The following CHN2 variants were observed in gnomAD, a reference collection of about 807,000 sequenced individuals.
The protein encoded by CHN2 is beta-chimaerin.
A neutral mutation model predicts 56.3 loss-of-function variants in CHN2; 35 were observed. The ratio of observed to expected loss-of-function variants is 0.62; its 90% confidence interval spans 0.47 to 0.82. CHN2 has a LOEUF of 0.82. Ranked by LOEUF, CHN2 falls within the 40% of genes least tolerant of loss-of-function variation. The pLI, the probability that CHN2 is intolerant of heterozygous loss-of-function variation, is 0.00. For missense variants in CHN2, 491 were observed against 580.5 expected (o/e 0.85, Z 1.58); for synonymous variants, 210 against 212.8 (o/e 0.99, Z 0.12).
At chr7:29,268,489 G>A (rs1486153056) in intron 1 of CHN2, among the ~76,000 whole-genome samples, 1 of 152,100 alleles carries the variant, frequency 6.6e-6, no homozygotes, top group East Asian at 1.9e-4. Flanking sequence ...AATAGAGGTG[G>A]AAATGCACGG....
At chr7:29,213,248 T>TGAAA in intron 1 of CHN2, 1 of 1,001,484 alleles carries the variant, frequency 1.0e-6, no homozygotes. Context: ...TCAGTTTCAC[T>TGAAA]CTGGGTAGTG....
At chr7:29,212,278 T>C (rs1785014965) in intron 1 of CHN2, 3 of 1,034,668 alleles carry the variant, frequency 2.9e-6, no homozygotes, top group Admixed American at 3.7e-5. Context: ...TTAAATTTTT[T>C]CCCCCTCTTC....
chr7:29,444,007 A>G lies in CHN2; in HGVS notation c.577-36272A>G, dbSNP rs1783858342. Among the ~76,000 whole-genome samples the G allele has an allele frequency of 2.0e-5, 3 of 152,276 alleles. No individual in the cohort carries two copies. The South Asian group carries it at 6.2e-4, about 32-fold the overall frequency. On this transcript the variant is annotated intron_variant, in intron 6 of 12. Coordinates refer to ENST00000222792, the MANE Select transcript of CHN2 (RefSeq NM_004067.4). Reference sequence around the variant, plus strand: ...CTCTAAGTTTTGCTTTATCTAAGATACTCACCCATGGTTTTGCTTATAGAG... The same window carrying G: ...CTCTAAGTTTTGCTTTATCTAAGATGCTCACCCATGGTTTTGCTTATAGAG...
chr7:29,366,473 A>G (rs191080957), intron 2 of CHN2, among the ~76,000 whole-genome samples: 193 of 152,344 alleles, frequency 1.3e-3, no homozygotes, highest in Non-Finnish European at 2.4e-3. Context: ...CAAGGTGAAC[A>G]GTAGGTGCCA....
At chr7:29,371,233 A>C (rs1253961401) in intron 3 of CHN2, among the ~76,000 whole-genome samples, 1 of 152,204 alleles carries the variant, frequency 6.6e-6, no homozygotes, top group East Asian at 1.9e-4. Flanking sequence ...TCAAGAAGAA[A>C]GCAAGATGCC....
At chr7:29,394,439 T>C (rs1007078582) in intron 4 of CHN2, among the ~76,000 whole-genome samples, 2 of 152,156 alleles carry the variant, frequency 1.3e-5, no homozygotes, top group African/African-American at 4.8e-5. Context: ...CTCTTTTGAG[T>C]CTACCTTCCA....
chr7:29,278,451 C>CA (rs11372938), intron 1 of CHN2, among the ~76,000 whole-genome samples: 34,002 of 142,762 alleles, frequency 0.24, 4,436 homozygotes, highest in East Asian at 0.37. Context: ...ACTTTATTTA[C>CA]AAAAAAAAAA....
chr7:29,150,785 T>C (rs557012746), intron 2 of CHN2, among the ~76,000 whole-genome samples: 51 of 152,184 alleles, frequency 3.4e-4, no homozygotes, highest in Admixed American at 7.9e-4. Flanking sequence ...TTACTGATCT[T>C]CAATGGGGCC....
intron 4 of CHN2, chr7:29,397,840 C>T (rs1214543813): frequency 6.6e-6 from 1 of 152,340 alleles, no homozygotes; most frequent in Non-Finnish European, 1.5e-5. Context: ...CTAAAATACC[C>T]ATAAGCTATT....
chr7:29,273,786 G>A (rs1317747192), intron 1 of CHN2, among the ~76,000 whole-genome samples: 1 of 151,564 alleles, frequency 6.6e-6, no homozygotes, highest in Non-Finnish European at 1.5e-5. Context: ...GAATTAATGG[G>A]AGGTGGTTGG....
At chr7:29,263,587 G>C in intron 1 of CHN2, among the ~76,000 whole-genome samples, 1 of 151,790 alleles carries the variant, frequency 6.6e-6, no homozygotes, top group Non-Finnish European at 1.5e-5. Flanking sequence ...AGTGAGGAGC[G>C]TCTCTGCCTC....
At chr7:29,391,078 CTT>C (rs1801328326) in intron 3 of CHN2, among the ~76,000 whole-genome samples, 1 of 152,246 alleles carries the variant, frequency 6.6e-6, no homozygotes, top group East Asian at 1.9e-4. Flanking sequence ...CTCTCTCTCT[CTT>C]TGACATTAAC....
chr7:29,319,838 C>G (rs984076485), intron 1 of CHN2, among the ~76,000 whole-genome samples: 1 of 152,148 alleles, frequency 6.6e-6, no homozygotes, highest in South Asian at 2.1e-4. Context: ...CCAAGCCCTT[C>G]GTCACATCTA....
intron 3 of CHN2, among the ~76,000 whole-genome samples, chr7:29,388,978 C>T (rs552204691): frequency 6.6e-6 from 1 of 152,298 alleles, no homozygotes; most frequent in South Asian, 2.1e-4. Flanking sequence ...GTTACATGGG[C>T]CTGGTCCCTT....
chr7:29,292,553 G>A (rs1465911476), intron 1 of CHN2, among the ~76,000 whole-genome samples: 2 of 152,268 alleles, frequency 1.3e-5, no homozygotes, highest in Admixed American at 6.5e-5. Context: ...TACAGCTTCC[G>A]CTTCTATAAT....
chr7:29,189,182 C>T lies in CHN2; in HGVS notation c.274+42222C>T, dbSNP rs1799091707. On this transcript the variant is annotated intron_variant, in intron 2 of 6. Transcript: ENST00000439384. ...GCCAGGCTGGTCTCGAACTCCTGAC[C>T]TCAAATGATCTGCCCAACCTCAGCC... is the stretch of plus-strand genomic sequence containing the variant. Among the ~76,000 whole-genome samples the T allele has an allele frequency of 2.0e-5, 3 of 152,132 alleles. No homozygotes were observed. The South Asian group carries it at 6.3e-4, about 32-fold the overall frequency.
intron 6 of CHN2, among the ~76,000 whole-genome samples, chr7:29,460,020 T>A (rs1785041274): frequency 1.3e-5 from 2 of 151,994 alleles, no homozygotes; most frequent in African/African-American, 4.8e-5. Flanking sequence ...CAAACTCAGT[T>A]CTGATCCTTA....
chr7:29,277,551 G>A (rs1156470285), intron 1 of CHN2, among the ~76,000 whole-genome samples: 1 of 152,210 alleles, frequency 6.6e-6, no homozygotes, highest in African/African-American at 2.4e-5. Context: ...TTGTATTCTG[G>A]AATGTCAGCT....
At chr7:29,247,366 C>T (rs887765861) in intron 1 of CHN2, among the ~76,000 whole-genome samples, 7 of 152,218 alleles carry the variant, frequency 4.6e-5, no homozygotes, top group African/African-American at 1.7e-4. Flanking sequence ...GTCACACAGG[C>T]CTGGCTGCCT....
Sources: allele counts gnomAD v4.1 joint callset (sites outside exome capture counted in the v4.1 genomes callset), GRCh38; gene constraint gnomAD v4.1.1; transcripts MANE v1.5; gene names NCBI Gene and HGNC (gene_info 2026-07-23, HGNC 2026-07-21).